The following ZFAND3 variants were observed in gnomAD, a reference collection of about 807,000 sequenced individuals.
ZFAND3 encodes the protein zinc finger AN1-type containing 3.
ZFAND3 carries 10 observed loss-of-function variants against 29.6 expected under a neutral mutation model. That is an observed-to-expected ratio of 0.34 (90% confidence interval 0.21 to 0.57). The LOEUF (loss-of-function observed/expected upper bound fraction) is 0.57, where lower values mean the gene tolerates loss of function less well. ZFAND3 is among the 20% of genes least tolerant of loss of function. The probability of loss-of-function intolerance (pLI) is 0.86; values close to 1 mark genes in which losing one functional copy is unlikely to be tolerated. For missense variants in ZFAND3, 230 were observed against 304.5 expected (o/e 0.76, Z 1.82); for synonymous variants, 128 against 112.6 (o/e 1.14, Z -0.87).
chr6:37,849,405 A>G (rs1304181860), intron 1 of ZFAND3, among the ~76,000 whole-genome samples: 1 of 151,874 alleles, frequency 6.6e-6, no homozygotes, highest in African/African-American at 2.4e-5. Context: ...TATTTTTATT[A>G]TTTTTCTTCT....
chr6:37,942,082 T>C (rs1761820884), intron 2 of ZFAND3, among the ~76,000 whole-genome samples: 1 of 152,120 alleles, frequency 6.6e-6, no homozygotes, highest in Non-Finnish European at 1.5e-5. Context: ...AAACTGAATG[T>C]AATGGGCTGT....
intron 4 of ZFAND3, among the ~76,000 whole-genome samples, chr6:38,099,973 C>T (rs1169603636): frequency 1.3e-5 from 2 of 152,166 alleles, no homozygotes; most frequent in East Asian, 3.9e-4. Flanking sequence ...ATTTGTTTTC[C>T]AGCTTGGCAT....
chr6:37,994,035 A>G (rs887006431), intron 2 of ZFAND3, among the ~76,000 whole-genome samples: 2 of 152,200 alleles, frequency 1.3e-5, no homozygotes, highest in African/African-American at 4.8e-5. Context: ...TTGGATTTCT[A>G]ACTTTTTAAA....
At chr6:38,141,718 G>A (rs1581954184) in intron 5 of ZFAND3, among the ~76,000 whole-genome samples, 1 of 152,338 alleles carries the variant, frequency 6.6e-6, no homozygotes. Flanking sequence ...GAATCTAGAT[G>A]GGGAGGTAAA....
chr6:37,868,760 T>A (rs1223527975), intron 1 of ZFAND3, among the ~76,000 whole-genome samples: 1 of 152,218 alleles, frequency 6.6e-6, no homozygotes, highest in Non-Finnish European at 1.5e-5. Context: ...ATTACTAGAC[T>A]CCATTTGTTA....
At chr6:38,128,356 T>G (rs1437523799) in intron 5 of ZFAND3, among the ~76,000 whole-genome samples, 3 of 152,206 alleles carry the variant, frequency 2.0e-5, no homozygotes, top group Non-Finnish European at 4.4e-5. Context: ...TTCCATAGGC[T>G]ATTGGGGAAC....
At chr6:38,049,697 A>G (rs1400642508) in intron 2 of ZFAND3, among the ~76,000 whole-genome samples, 1 of 152,184 alleles carries the variant, frequency 6.6e-6, no homozygotes, top group African/African-American at 2.4e-5. Flanking sequence ...AGTTAGCCCT[A>G]ATCTTGGGAA....
At chr6:38,134,114 C>T (rs1162828710) in intron 5 of ZFAND3, among the ~76,000 whole-genome samples, 1 of 152,138 alleles carries the variant, frequency 6.6e-6, no homozygotes, top group Non-Finnish European at 1.5e-5. Flanking sequence ...TGTTGTGTCC[C>T]GAATGCCACA....
chr6:37,854,656 T>A (rs574239067), intron 1 of ZFAND3, among the ~76,000 whole-genome samples: 11 of 152,154 alleles, frequency 7.2e-5, no homozygotes, highest in Non-Finnish European at 1.5e-4. Flanking sequence ...CTTTATTTTA[T>A]AGATGAGGAA....
chr6:37,967,507 G>A (rs980881370), intron 2 of ZFAND3, among the ~76,000 whole-genome samples: 1 of 152,186 alleles, frequency 6.6e-6, no homozygotes, highest in African/African-American at 2.4e-5. Flanking sequence ...GGTAACCAGT[G>A]TGCTCATTAC....
chr6:37,891,028 T>A (rs1765087377), intron 1 of ZFAND3, among the ~76,000 whole-genome samples: 1 of 152,188 alleles, frequency 6.6e-6, no homozygotes, highest in Admixed American at 6.5e-5. Flanking sequence ...CTAAATGTTT[T>A]CATCACCACA....
chr6:38,092,611 G>C (rs989446435), intron 4 of ZFAND3, among the ~76,000 whole-genome samples: 2 of 152,106 alleles, frequency 1.3e-5, no homozygotes, highest in African/African-American at 4.8e-5. Flanking sequence ...GAAAGTCTAG[G>C]AGTAGGACTG....
At chr6:38,046,002 T>A (rs1410028284) in intron 2 of ZFAND3, among the ~76,000 whole-genome samples, 2 of 152,210 alleles carry the variant, frequency 1.3e-5, no homozygotes, top group East Asian at 3.8e-4. Context: ...AAAAAGTGTT[T>A]TTTACATGGC....
chr6:38,135,234 T>A (rs1262867957), intron 5 of ZFAND3, among the ~76,000 whole-genome samples: 1 of 152,174 alleles, frequency 6.6e-6, no homozygotes, highest in Non-Finnish European at 1.5e-5. Context: ...ACACTTCAGA[T>A]CTGGATAGTT....
intron 2 of ZFAND3, among the ~76,000 whole-genome samples, chr6:38,000,563 A>G (rs964333788): frequency 2.0e-5 from 3 of 152,098 alleles, no homozygotes; most frequent in African/African-American, 7.2e-5. Context: ...TTATGAAACC[A>G]TCAGATCTCA....
intron 2 of ZFAND3, among the ~76,000 whole-genome samples, chr6:38,032,722 A>G (rs1763585239): frequency 6.8e-6 from 1 of 146,208 alleles, no homozygotes; most frequent in South Asian, 2.1e-4. Flanking sequence ...CAAAGCACAA[A>G]AGAGTCCCTG....
intron 2 of ZFAND3, among the ~76,000 whole-genome samples, chr6:37,997,290 C>T (rs923721637): frequency 2.0e-5 from 3 of 152,086 alleles, no homozygotes; most frequent in African/African-American, 7.2e-5. Flanking sequence ...TCGGCATAGT[C>T]TTTTAGTTCC....
At chr6:37,948,995 A>G (rs1014889809) in intron 2 of ZFAND3, among the ~76,000 whole-genome samples, 2 of 152,194 alleles carry the variant, frequency 1.3e-5, no homozygotes, top group Non-Finnish European at 2.9e-5. Context: ...CAAACTCAGT[A>G]ATAGATTGCT....
At chr6:37,849,437 T>C (rs572120845) in intron 1 of ZFAND3, among the ~76,000 whole-genome samples, 1 of 152,284 alleles carries the variant, frequency 6.6e-6, no homozygotes. Flanking sequence ...AGACGGAGTT[T>C]TGCTTTTATT....
Sources: gnomAD v4.1 joint callset for allele counts (sites outside exome capture counted in the v4.1 genomes callset) on GRCh38, gnomAD v4.1.1 for gene constraint, MANE v1.5 for transcripts, NCBI Gene and HGNC (gene_info 2026-07-23, HGNC 2026-07-21) for gene names.